The following SKAP1 variants were observed in gnomAD, a reference collection of about 807,000 sequenced individuals.
The protein encoded by SKAP1 is src kinase-associated phosphoprotein 1.
SKAP1 carries 44 observed loss-of-function variants against 58.5 expected under a neutral mutation model. The observed-to-expected ratio is 0.75, with a 90% CI of 0.59 to 0.97. The LOEUF is 0.97. Among genes scored for constraint, SKAP1 ranks in the 50% least tolerant of loss-of-function variants. SKAP1 has a pLI of 0.00. For synonymous variants in SKAP1, 127 were observed against 149.7 expected, an observed-to-expected ratio of 0.85 and a Z score of 1.11; for missense variants, 390 against 435.2, an observed-to-expected ratio of 0.90 and a Z score of 0.92.
At chr17:48,190,469 A>G (rs1567813147) in intron 4 of SKAP1, among the ~76,000 whole-genome samples, 1 of 152,186 alleles carries the variant, frequency 6.6e-6, no homozygotes, top group Non-Finnish European at 1.5e-5. Context: ...TCACTGAGAT[A>G]ATCAAAAGTC....
chr17:48,294,980 G>A (rs2065946926), intron 4 of SKAP1, among the ~76,000 whole-genome samples: 1 of 152,170 alleles, frequency 6.6e-6, no homozygotes, highest in Admixed American at 6.6e-5. Context: ...CATGACAAAG[G>A]CTGCATCTAT....
rs796882505 is a variant in SKAP1 at position 48,398,157 on chromosome 17, G to A, written c.47-1372C>T. ...GAAAGGGCCACATGGCAGGAGGTGAGCAGCAGATGAGCAAGTGAAGCTTCA... is the reference window on the plus strand; with the variant it reads ...GAAAGGGCCACATGGCAGGAGGTGAACAGCAGATGAGCAAGTGAAGCTTCA... On this transcript the variant is annotated intron_variant, in intron 1 of 12. Transcript: ENST00000336915. Among the ~76,000 whole-genome samples, 64 of 152,314 alleles carry A rather than the reference G, an allele frequency of 4.2e-4. 1 individual carries two copies. The highest frequency in any genetic ancestry group is 1.5e-3 in the African/African-American group (64 of 41,552).
chr17:48,255,917 C>G (rs748718789), intron 4 of SKAP1, among the ~76,000 whole-genome samples: 1 of 152,096 alleles, frequency 6.6e-6, no homozygotes, highest in Non-Finnish European at 1.5e-5. Flanking sequence ...ATAAAACTGA[C>G]ACTGCAATAT....
intron 3 of SKAP1, among the ~76,000 whole-genome samples, chr17:48,361,655 G>C (rs1054485127): frequency 7.9e-5 from 12 of 152,162 alleles, no homozygotes; most frequent in Admixed American, 7.2e-4. Context: ...GGCAGATGCA[G>C]AGTTAATAAA....
intron 4 of SKAP1, among the ~76,000 whole-genome samples, chr17:48,322,258 G>A (rs1337678703): frequency 6.6e-6 from 1 of 152,206 alleles, no homozygotes; most frequent in Admixed American, 6.5e-5. Context: ...AGAGGGCAGG[G>A]ATAGTCTTGC....
chr17:48,185,652 T>C (rs2064439926), intron 6 of SKAP1, among the ~76,000 whole-genome samples: 1 of 152,210 alleles, frequency 6.6e-6, no homozygotes, highest in African/African-American at 2.4e-5. Flanking sequence ...GTGAAATGAA[T>C]TGCTTAATAA....
intron 4 of SKAP1, among the ~76,000 whole-genome samples, chr17:48,194,575 A>G (rs1598414550): frequency 6.6e-6 from 1 of 152,242 alleles, no homozygotes; most frequent in Non-Finnish European, 1.5e-5. Context: ...AGGAGGCCAC[A>G]CAATTTCCAC....
chr17:48,251,249 T>G (rs557339364), intron 4 of SKAP1, among the ~76,000 whole-genome samples: 2 of 152,256 alleles, frequency 1.3e-5, no homozygotes, highest in Non-Finnish European at 2.9e-5. Flanking sequence ...AAGTCTATTC[T>G]GCAGCAGGAA....
intron 4 of SKAP1, among the ~76,000 whole-genome samples, chr17:48,224,427 G>C (rs1344964618): frequency 2.0e-5 from 3 of 152,178 alleles, no homozygotes; most frequent in Non-Finnish European, 4.4e-5. Context: ...CAGCTATGCA[G>C]AGTTATTGAA....
At chr17:48,176,085 T>C (rs1003646937) in intron 9 of SKAP1, among the ~76,000 whole-genome samples, 6 of 152,232 alleles carry the variant, frequency 3.9e-5, no homozygotes, top group Middle Eastern at 6.3e-3. Flanking sequence ...GAATGCTTGT[T>C]TCCATTTGAC....
intron 4 of SKAP1, among the ~76,000 whole-genome samples, chr17:48,304,516 A>G (rs1320194098): frequency 1.3e-5 from 2 of 152,220 alleles, no homozygotes; most frequent in Admixed American, 6.5e-5. Context: ...ACTTCTAAAA[A>G]TTAGAGCTAA....
rs61705374 is a variant in SKAP1, at chr17:48,410,934, C to CAAAAAAAAA, written c.47-14158_47-14150dup. The stretch of plus-strand genomic sequence containing the variant: ...AGAGCGACAGAGCGAGACTCCATTT[C>CAAAAAAAAA]AAAAAAAAAAAAAAAAAAAAAAAGA... On this transcript the variant is annotated intron_variant, in intron 1 of 12. Transcript: ENST00000336915. Among the ~76,000 whole-genome samples the CAAAAAAAAA allele has an allele frequency of 3.7e-3, 250 of 66,712 alleles. 1 individual carries two copies. The highest frequency in any genetic ancestry group is 0.012 in the Middle Eastern group (1 of 86). The allele number at this position is 66,712 out of a possible 152,430, so 43.8% of individuals were successfully genotyped here.
intron 6 of SKAP1, among the ~76,000 whole-genome samples, chr17:48,186,326 T>G (rs958907515): frequency 6.6e-6 from 1 of 152,060 alleles, no homozygotes; most frequent in African/African-American, 2.4e-5. Flanking sequence ...TGCCCCTAGA[T>G]GCGAAATGTT....
chr17:48,288,760 T>G (rs372955659), intron 4 of SKAP1, among the ~76,000 whole-genome samples: 1 of 152,186 alleles, frequency 6.6e-6, no homozygotes, highest in East Asian at 1.9e-4. Flanking sequence ...TTAGCCAACT[T>G]GTTATCATAA....
chr17:48,389,819 A>C (rs1268676165), intron 2 of SKAP1, among the ~76,000 whole-genome samples: 1 of 152,242 alleles, frequency 6.6e-6, no homozygotes. Context: ...CAGAATCATG[A>C]AATAAAATAA....
At chr17:48,299,687 T>A (rs1022282612) in intron 4 of SKAP1, among the ~76,000 whole-genome samples, 1 of 152,230 alleles carries the variant, frequency 6.6e-6, no homozygotes, top group African/African-American at 2.4e-5. Context: ...CCTTTGGAGA[T>A]GCCAGTGTAT....
chr17:48,150,844 G>T (rs114899367), intron 11 of SKAP1, among the ~76,000 whole-genome samples: 1 of 152,148 alleles, frequency 6.6e-6, no homozygotes, highest in African/African-American at 2.4e-5. Context: ...AGTCTGAAAC[G>T]GTTTGCTCTT....
chr17:48,410,067 A>T (rs1375819821), intron 1 of SKAP1, among the ~76,000 whole-genome samples: 2 of 152,230 alleles, frequency 1.3e-5, no homozygotes, highest in Non-Finnish European at 2.9e-5. Context: ...ATAAACACTG[A>T]ACTCTAGTCA....
At chr17:48,419,528 C>T (rs1474743592) in intron 1 of SKAP1, among the ~76,000 whole-genome samples, 1 of 152,026 alleles carries the variant, frequency 6.6e-6, no homozygotes, top group African/African-American at 2.4e-5. Context: ...GGTGATCCAC[C>T]CGCCTCAGCC....
Sources: allele counts gnomAD v4.1 joint callset (sites outside exome capture counted in the v4.1 genomes callset), GRCh38; gene constraint gnomAD v4.1.1; transcripts MANE v1.5; gene names NCBI Gene and HGNC (gene_info 2026-07-23, HGNC 2026-07-21).